Variants in FRMPD4 observed in about 807,000 individuals in gnomAD.
FRMPD4 encodes the protein FERM and PDZ domain containing 4.
FRMPD4 carries 22 observed loss-of-function variants against 94.1 expected under a neutral mutation model. The ratio of observed to expected loss-of-function variants is 0.23; its 90% confidence interval spans 0.17 to 0.33. The LOEUF (loss-of-function observed/expected upper bound fraction) is 0.33, where lower values mean the gene tolerates loss of function less well. Among genes scored for constraint, FRMPD4 ranks in the 10% least tolerant of loss-of-function variants. FRMPD4 has a pLI of 1.00. For missense variants in FRMPD4, 1,111 were observed against 1,339.9 expected (o/e 0.83, Z 2.67); for synonymous variants, 631 against 548.6 (o/e 1.15, Z -2.10).
At chrX:12,099,082 AGG>A (rs2055232566) in intron 3 of FRMPD4, among the ~76,000 whole-genome samples, 2 of 9,478 alleles carry the variant, frequency 2.1e-4, no homozygotes, top group Non-Finnish European at 3.7e-4. Context: ...GGGAGGGGGG[AGG>A]GGGGAGGGAT....
At chrX:11,920,342 G>C (rs889023476) in intron 3 of FRMPD4, among the ~76,000 whole-genome samples, 5 of 112,034 alleles carry the variant, frequency 4.5e-5, no homozygotes, top group African/African-American at 1.6e-4. Flanking sequence ...AATAAATGCA[G>C]TGAACATTTC....
intron 4 of FRMPD4, among the ~76,000 whole-genome samples, chrX:12,648,804 G>T (rs1447287616): frequency 8.9e-6 from 1 of 112,180 alleles, no homozygotes; most frequent in Non-Finnish European, 1.9e-5. Context: ...AAAGGACATT[G>T]GTGCACATAG....
chrX:12,666,781 C>T (rs747345438), intron 4 of FRMPD4, among the ~76,000 whole-genome samples: 12 of 111,910 alleles, frequency 1.1e-4, no homozygotes, highest in Non-Finnish European at 1.7e-4. Flanking sequence ...ACAGCTAAAG[C>T]GGTGTTTAGA....
At chrX:12,443,453 A>C (rs1301484601) in intron 1 of FRMPD4, among the ~76,000 whole-genome samples, 1 of 112,028 alleles carries the variant, frequency 8.9e-6, no homozygotes, top group East Asian at 2.8e-4. Context: ...TATTGTACTC[A>C]GTGTTAAAAA....
At chrX:12,059,353 T>C (rs1386676211) in intron 3 of FRMPD4, among the ~76,000 whole-genome samples, 1 of 112,056 alleles carries the variant, frequency 8.9e-6, no homozygotes, top group Non-Finnish European at 1.9e-5. Context: ...TTCATGATTG[T>C]CCTATCTTGT....
intron 3 of FRMPD4, among the ~76,000 whole-genome samples, chrX:12,016,168 A>G (rs2147418820): frequency 8.9e-6 from 1 of 112,028 alleles, no homozygotes; most frequent in African/African-American, 3.2e-5. Context: ...TGGAGAAGTC[A>G]GTAGAAGAGA....
At chrX:11,908,134 A>G (rs1313245078) in intron 3 of FRMPD4, among the ~76,000 whole-genome samples, 1 of 112,136 alleles carries the variant, frequency 8.9e-6, no homozygotes, top group African/African-American at 3.2e-5. Flanking sequence ...AATTTATGCC[A>G]GTAAAGATTC....
chrX:12,283,217 A>C (rs1421947885), intron 1 of FRMPD4, among the ~76,000 whole-genome samples: 3 of 113,231 alleles, frequency 2.6e-5, no homozygotes, highest in Non-Finnish European at 3.7e-5. Context: ...TGGTGCTGTG[A>C]GGACCGAATG....
In FRMPD4 at chrX:12,717,620, C is replaced by G. The variant is rs1373076793; in HGVS notation, c.2794C>G (p.Leu932Val). The G allele has an allele frequency of 1.7e-6, 2 of 1,208,399 alleles. No individual in the cohort carries two copies. Among genetic ancestry groups the G allele is most frequent in the South Asian group, 1.8e-5 (1 of 56,890 alleles). The change falls in exon 16 of 17, where the codon CTC becomes GTC. Residue 932 changes from leucine to valine, a missense_variant. Leu to Val is a conservative substitution (Grantham distance 32). Around this residue, in one of 8 missense-constraint regions of FRMPD4, gnomAD observed 551 missense variants for 591.6 expected, o/e 0.93. Coordinates refer to ENST00000675598, the MANE Select transcript of FRMPD4 (RefSeq NM_001368397.1). ...CACAGCACAAAAACAGTCAGAAAAC[C>G]TCTCCCGCATGTTCTTGGCCACTCA... ...LATAQKQSEN[L>V]SRMFLATHEG...
At chrX:12,602,345 C>G (rs1193960100) in intron 2 of FRMPD4, among the ~76,000 whole-genome samples, 1 of 111,313 alleles carries the variant, frequency 9.0e-6, no homozygotes, top group Non-Finnish European at 1.9e-5. Flanking sequence ...AATTTTGCAG[C>G]CCTACTGTGC....
At chrX:11,996,127 A>G (rs925846954) in intron 3 of FRMPD4, among the ~76,000 whole-genome samples, 2 of 112,102 alleles carry the variant, frequency 1.8e-5, no homozygotes, top group African/African-American at 6.5e-5. Flanking sequence ...AAGAAAAAAA[A>G]ATAAAGCAGA....
chrX:12,646,354 T>C (rs965528046), intron 4 of FRMPD4, among the ~76,000 whole-genome samples: 2 of 112,026 alleles, frequency 1.8e-5, no homozygotes, highest in Non-Finnish European at 3.8e-5. Context: ...TATTTCCCAA[T>C]AGACAGGAAA....
chrX:12,062,687 G>T (rs1055248842), intron 3 of FRMPD4, among the ~76,000 whole-genome samples: 4 of 111,098 alleles, frequency 3.6e-5, no homozygotes, highest in Non-Finnish European at 5.7e-5. Context: ...GAGGTTGTTT[G>T]TGCTGTTGTC....
intron 3 of FRMPD4, among the ~76,000 whole-genome samples, chrX:12,063,768 C>A (rs2054900919): frequency 8.9e-6 from 1 of 111,941 alleles, no homozygotes; most frequent in African/African-American, 3.2e-5. Flanking sequence ...CCCATCTATG[C>A]CTTTGTGGGG....
At chrX:11,914,298 T>C (rs1032567748) in intron 3 of FRMPD4, among the ~76,000 whole-genome samples, 4 of 107,439 alleles carry the variant, frequency 3.7e-5, no homozygotes, top group East Asian at 2.9e-4. Flanking sequence ...TTTCTTTTTT[T>C]TTTTTTTTTG....
intron 3 of FRMPD4, among the ~76,000 whole-genome samples, chrX:11,925,526 A>G (rs946557203): frequency 8.0e-5 from 9 of 112,285 alleles, no homozygotes; most frequent in Non-Finnish European, 1.5e-4. Context: ...AGCAAATGTG[A>G]AAGAGTTGAA....
intron 3 of FRMPD4, among the ~76,000 whole-genome samples, chrX:11,987,098 T>C (rs58476068): frequency 1.4e-3 from 31 of 21,838 alleles, no homozygotes; most frequent in African/African-American, 9.1e-3. Flanking sequence ...AAAGACACAT[T>C]AAAAAAAAAA....
Position 12,138,865 on chromosome X carries a change from G to C in FRMPD4, c.-107G>C. 3.2e-6 allele frequency: 2 copies of C among 626,622 alleles called. No homozygotes were observed. Among genetic ancestry groups the C allele is most frequent in the Admixed American group, 9.2e-5 (2 of 21,691 alleles). The allele number at this position is 626,622 out of a possible 1,213,427, so 51.6% of individuals were successfully genotyped here. ...CCGCCACCCGCTGTCGCCGCGACTC[G>C]AGCCCCGGGCGCACTGAGGTCTTGG... On this transcript the variant is annotated 5_prime_UTR_variant, in exon 1 of 17. Coordinates refer to ENST00000675598, the MANE Select transcript of FRMPD4 (RefSeq NM_001368397.1).
At chrX:12,501,629 CTT>C (rs1314206918) in intron 2 of FRMPD4, among the ~76,000 whole-genome samples, 3 of 110,768 alleles carry the variant, frequency 2.7e-5, no homozygotes, top group African/African-American at 9.9e-5. Flanking sequence ...TTTTCACTCT[CTT>C]GCATATTTTT....
Sources: allele counts gnomAD v4.1 joint callset (sites outside exome capture counted in the v4.1 genomes callset), GRCh38; gene constraint gnomAD v4.1.1; regional missense constraint gnomAD v4.1.1; transcripts MANE v1.5; gene names NCBI Gene and HGNC (gene_info 2026-07-23, HGNC 2026-07-21).